CSMD2: variants seen among roughly 807,000 people sequenced by gnomAD.
CSMD2 encodes the protein CUB and Sushi multiple domains 2, also known as CUB and sushi domain-containing protein 2.
In CSMD2, 130 loss-of-function variants were observed where a neutral mutation model predicts 398.5. The ratio of observed to expected loss-of-function variants is 0.33; its 90% CI spans 0.28 to 0.38. The LOEUF is 0.38. Among genes scored for constraint, CSMD2 ranks in the 10% least tolerant of loss-of-function variants. The probability of loss-of-function intolerance (pLI) is 1.00; values close to 1 mark genes in which losing one functional copy is unlikely to be tolerated. For missense variants in CSMD2, 3,829 were observed against 4,764.9 expected (o/e 0.80, Z 5.78); for synonymous variants, 1,828 against 1,908.5 (o/e 0.96, Z 1.10).
At chr1:34,088,303 G>A (rs1658149585) in intron 2 of CSMD2, among the ~76,000 whole-genome samples, 1 of 152,208 alleles carries the variant, frequency 6.6e-6, no homozygotes, top group Non-Finnish European at 1.5e-5. Context: ...ACCCTGGCTG[G>A]CCTCCGGGTC....
chr1:34,060,115 A>AGGTCAAC (rs1425444331), intron 2 of CSMD2, among the ~76,000 whole-genome samples: 1 of 152,202 alleles, frequency 6.6e-6, no homozygotes, highest in Non-Finnish European at 1.5e-5. Context: ...GGAATGGGAA[A>AGGTCAAC]GGTCAACAGG....
At chr1:33,897,284 A>G (rs1642454100) in intron 5 of CSMD2, among the ~76,000 whole-genome samples, 1 of 152,176 alleles carries the variant, frequency 6.6e-6, no homozygotes, top group African/African-American at 2.4e-5. Context: ...CTAGGTGGCC[A>G]GCAAACATTG....
intron 4 of CSMD2, among the ~76,000 whole-genome samples, chr1:33,935,399 C>T (rs1644444351): frequency 2.0e-5 from 3 of 152,036 alleles, no homozygotes; most frequent in South Asian, 2.1e-4. Flanking sequence ...GAGGTCAGTA[C>T]GAAAGCTGTT....
At position 33,716,485 on chromosome 1, in the gene CSMD2, G is replaced by A. The variant is rs751132614; in HGVS notation, c.3018C>T (p.Phe1006=). 1.2e-5 allele frequency: 20 copies of A among 1,612,766 alleles called. No homozygotes were observed. The highest frequency in any genetic ancestry group is 2.7e-5 in the African/African-American group (2 of 74,896). Residue 1006 remains phenylalanine (F), a synonymous_variant, in exon 20 of 71, where the codon TTC becomes TTT. Coordinates refer to ENST00000373381, the MANE Select transcript of CSMD2 (RefSeq NM_001281956.2). The part of the protein sequence containing the change: ...TSHGKGVFFT[F]HTFHLESGHD... The stretch of plus-strand genomic sequence containing the variant: ...GGCCACTTTCCAGGTGGAAGGTGTG[G>A]AAAGTGAAGAACACACCTGCCAAGA...
At chr1:33,952,779 T>C (rs1189188538) in intron 3 of CSMD2, among the ~76,000 whole-genome samples, 1 of 152,162 alleles carries the variant, frequency 6.6e-6, no homozygotes, top group Admixed American at 6.5e-5. Context: ...TCCCAGCATA[T>C]AGCACAGTGG....
intron 2 of CSMD2, among the ~76,000 whole-genome samples, chr1:34,067,574 C>T (rs554079601): frequency 6.6e-6 from 1 of 152,190 alleles, no homozygotes; most frequent in Non-Finnish European, 1.5e-5. Flanking sequence ...GCCAGTAGCA[C>T]CAGCATCACC....
At chr1:33,904,428 T>C (rs1453830279) in intron 5 of CSMD2, among the ~76,000 whole-genome samples, 2 of 152,198 alleles carry the variant, frequency 1.3e-5, no homozygotes, top group Non-Finnish European at 2.9e-5. Context: ...TACAAGGGAA[T>C]ATTATTCAGC....
chr1:33,937,837 A>G (rs1644526958), intron 3 of CSMD2, among the ~76,000 whole-genome samples: 1 of 152,252 alleles, frequency 6.6e-6, no homozygotes, highest in Admixed American at 6.5e-5. Flanking sequence ...CATGCCTGGC[A>G]CAACGCCCAG....
rs535434193 is a variant in CSMD2, at chr1:34,072,064, C to T, written c.404+16913G>A. 1.4e-4 allele frequency among the ~76,000 whole-genome samples: 22 copies of T among 152,302 alleles called. No homozygotes were observed. The South Asian group carries it at 2.3e-3, about 16-fold the overall frequency. The stretch of plus-strand genomic sequence containing the variant: ...TGGGACAGAACCCAGCTCTCCATGC[C>T]CCTGGTCTGGCTCTTGGCACCACAT... On this transcript the variant is annotated intron_variant, in intron 2 of 70. Coordinates refer to ENST00000373381, the MANE Select transcript of CSMD2 (RefSeq NM_001281956.2).
At chr1:34,047,499 T>A (rs1652666576) in intron 2 of CSMD2, among the ~76,000 whole-genome samples, 1 of 152,176 alleles carries the variant, frequency 6.6e-6, no homozygotes, top group East Asian at 1.9e-4. Context: ...TGACTTCCTA[T>A]ATATTTGATC....
intron 49 of CSMD2, among the ~76,000 whole-genome samples, chr1:33,576,083 G>T (rs534454454): frequency 6.6e-6 from 1 of 152,104 alleles, no homozygotes; most frequent in African/African-American, 2.4e-5. Flanking sequence ...AATCAGTATC[G>T]ACAGCTGTCA....
At chr1:33,935,114 A>G (rs10799011) in intron 4 of CSMD2, among the ~76,000 whole-genome samples, 77,625 of 151,494 alleles carry the variant, frequency 0.51, 20,378 homozygotes, top group African/African-American at 0.63. Flanking sequence ...CTGGGAGTAG[A>G]GTGACAAATG....
Position 33,601,795 on chromosome 1 carries a change from C to A in CSMD2, c.6710+574G>T, listed in dbSNP as rs1377283783. 2.6e-5 allele frequency among the ~76,000 whole-genome samples: 4 copies of A among 152,358 alleles called. No individual in the cohort carries two copies. The East Asian group carries it at 7.7e-4, about 29-fold the overall frequency. ...TCCAATTCAGCCACTGCCAGCCACA[C>A]ATGGCTATTTACATTTAAATTATCA... On this transcript the variant is annotated intron_variant, in intron 43 of 70. Coordinates refer to ENST00000373381, the MANE Select transcript of CSMD2 (RefSeq NM_001281956.2).
intron 2 of CSMD2, among the ~76,000 whole-genome samples, chr1:34,082,481 C>G (rs1657346485): frequency 6.6e-6 from 1 of 151,754 alleles, no homozygotes; most frequent in African/African-American, 2.4e-5. Context: ...CGGCAGCCAC[C>G]CTGTCTGGGA....
At chr1:33,715,369 G>C (rs1449530523) in intron 20 of CSMD2, among the ~76,000 whole-genome samples, 1 of 152,240 alleles carries the variant, frequency 6.6e-6, no homozygotes, top group African/African-American at 2.4e-5. Context: ...GCATGACCAG[G>C]GGCATTTATG....
At chr1:33,856,736 G>A (rs1639124084) in intron 5 of CSMD2, among the ~76,000 whole-genome samples, 1 of 152,016 alleles carries the variant, frequency 6.6e-6, no homozygotes, top group Non-Finnish European at 1.5e-5. Flanking sequence ...GCTGGAGGAT[G>A]GGTGGGCTAA....
At chr1:33,971,051 A>G (rs1255054541) in intron 3 of CSMD2, among the ~76,000 whole-genome samples, 2 of 152,118 alleles carry the variant, frequency 1.3e-5, no homozygotes, top group African/African-American at 2.4e-5. Flanking sequence ...AGCAAATGAG[A>G]GCAATGATCA....
chr1:34,092,575 G>A (rs940288794), intron 1 of CSMD2, among the ~76,000 whole-genome samples: 4 of 152,074 alleles, frequency 2.6e-5, no homozygotes, highest in East Asian at 3.9e-4. Flanking sequence ...CCGAAGCAGG[G>A]CGAGGCATTG....
At chr1:33,704,285 C>T (rs1443180164) in intron 22 of CSMD2, among the ~76,000 whole-genome samples, 1 of 152,030 alleles carries the variant, frequency 6.6e-6, no homozygotes, top group Non-Finnish European at 1.5e-5. Context: ...ATATTCCTTT[C>T]TAATTTTTAT....
Sources: allele counts gnomAD v4.1 joint callset (sites outside exome capture counted in the v4.1 genomes callset), GRCh38; gene constraint gnomAD v4.1.1; transcripts MANE v1.5; gene names NCBI Gene and HGNC (gene_info 2026-07-23, HGNC 2026-07-21).